KITLG: variants seen among roughly 807,000 people sequenced by gnomAD.
KITLG encodes the protein KIT ligand.
A neutral mutation model predicts 34.1 loss-of-function variants in KITLG; 13 were observed. The observed-to-expected ratio is 0.38, with a 90% CI of 0.25 to 0.61. The LOEUF (loss-of-function observed/expected upper bound fraction) is 0.61. Among genes scored for constraint, KITLG ranks in the 20% least tolerant of loss-of-function variants. KITLG has a pLI of 0.60. For missense variants in KITLG, 292 were observed against 318.9 expected, an observed-to-expected ratio of 0.92 and a Z score of 0.64; for synonymous variants, 110 against 104.0, an observed-to-expected ratio of 1.06 and a Z score of -0.35.
intron 1 of KITLG, among the ~76,000 whole-genome samples, chr12:88,569,322 A>T (rs1871564706): frequency 1.3e-5 from 2 of 152,136 alleles, no homozygotes; most frequent in East Asian, 1.9e-4. Context: ...TTTTTGTTTT[A>T]AAAAAAGAAT....
chr12:88,580,048 G>T, intron 1 of KITLG: 1 of 604,812 alleles, frequency 1.7e-6, no homozygotes, highest in Non-Finnish European at 3.0e-6. Context: ...CTTGACACTG[G>T]CTCCCTCTCA....
At chr12:88,538,157 C>G (rs1185626244) in intron 2 of KITLG, among the ~76,000 whole-genome samples, 2 of 152,020 alleles carry the variant, frequency 1.3e-5, no homozygotes, top group African/African-American at 4.8e-5. Flanking sequence ...GTGGGACAGT[C>G]TAGATAGAGG....
intron 6 of KITLG, among the ~76,000 whole-genome samples, chr12:88,515,072 T>C (rs115705281): frequency 0.015 from 2,338 of 151,898 alleles, 76 homozygotes; most frequent in African/African-American, 0.053. Flanking sequence ...CAATAGTAAA[T>C]ACTGATATAC....
Position 88,580,267 on chromosome 12 carries a change from T to C in KITLG, c.12A>G (p.Thr4=). MKK[T]QTWILTCIYL... is the part of the protein sequence containing the mutation. The stretch of plus-strand genomic sequence containing the variant: ...CTCCCGGGCGCGCCCTACTCACTTG[T>C]GTCTTCTTCATAAGGAAAGGCAGCG... Residue 4 remains threonine, a synonymous_variant, in exon 1 of 10, where the codon ACA becomes ACG. Coordinates refer to ENST00000644744, the MANE Select transcript of KITLG (RefSeq NM_000899.5). The C allele has an allele frequency of 6.2e-7, 1 of 1,610,410 alleles. No homozygotes were observed. The highest frequency in any genetic ancestry group is 8.5e-7 in the Non-Finnish European group (1 of 1,178,464).
At chr12:88,535,237 C>T (rs1423908335) in intron 2 of KITLG, among the ~76,000 whole-genome samples, 2 of 152,098 alleles carry the variant, frequency 1.3e-5, no homozygotes, top group Non-Finnish European at 2.9e-5. Context: ...GATAAAAACA[C>T]TGAAATCTAC....
At chr12:88,501,007 T>C (rs1868834762) in intron 9 of KITLG, among the ~76,000 whole-genome samples, 1 of 152,122 alleles carries the variant, frequency 6.6e-6, no homozygotes, top group South Asian at 2.1e-4. Flanking sequence ...CTCGAACTCC[T>C]GGGCTCAAGT....
intron 3 of KITLG, among the ~76,000 whole-genome samples, chr12:88,524,525 G>T (rs533989299): frequency 6.6e-6 from 1 of 151,978 alleles, no homozygotes; most frequent in South Asian, 2.1e-4. Flanking sequence ...AAGGTGAAAT[G>T]ACAATATTTT....
chr12:88,496,557 CAGG>C lies in KITLG; in HGVS notation c.*659_*661del, dbSNP rs1868647893. 6.6e-6 allele frequency: 1 copy of C among 152,190 alleles called. No homozygotes were observed. The highest frequency in any genetic ancestry group is 1.5e-5 in the Non-Finnish European group (1 of 68,028). The allele number at this position is 152,190 out of a possible 1,614,324, so 9.4% of individuals were successfully genotyped here. On this transcript the variant is annotated 3_prime_UTR_variant, in exon 10 of 10. Transcript: ENST00000644744. Reference sequence around the variant, plus strand: ...ACTGGCTCCCTTGCATAAATGGAACCAGGCAACCATTTGCATTTGTATAGTGGG... The same window carrying C: ...ACTGGCTCCCTTGCATAAATGGAACCCAACCATTTGCATTTGTATAGTGGG...
intron 9 of KITLG, among the ~76,000 whole-genome samples, chr12:88,504,790 A>G (rs556387587): frequency 4.6e-5 from 7 of 152,196 alleles, no homozygotes; most frequent in Non-Finnish European, 8.8e-5. Context: ...TTATAAAATT[A>G]TAAATCATGC....
intron 3 of KITLG, among the ~76,000 whole-genome samples, chr12:88,526,863 C>CTT (rs10532642): frequency 2.6e-3 from 207 of 79,924 alleles, no homozygotes; most frequent in Middle Eastern, 6.3e-3. Flanking sequence ...TCAGTATAGT[C>CTT]TTTTTTTTTT....
At chr12:88,572,537 T>C (rs1267900855) in intron 1 of KITLG, among the ~76,000 whole-genome samples, 1 of 148,398 alleles carries the variant, frequency 6.7e-6, no homozygotes, top group African/African-American at 2.4e-5. Flanking sequence ...AACACTTTTC[T>C]GGGCAGGGGC....
chr12:88,545,898 A>G (rs773195911), intron 1 of KITLG, 33 bp from the exon 2 acceptor site: 1 of 1,231,918 alleles, frequency 8.1e-7, no homozygotes, highest in South Asian at 1.2e-5. Context: ...CTTGGTGATC[A>G]TCAGTTAAGA....
intron 2 of KITLG, among the ~76,000 whole-genome samples, chr12:88,533,469 G>C (rs114841261): frequency 6.6e-6 from 1 of 152,150 alleles, no homozygotes; most frequent in Non-Finnish European, 1.5e-5. Flanking sequence ...ACCCTAGTAA[G>C]TTACAGAGTT....
rs200288356 is a variant in KITLG, at chr12:88,570,539, A to AC, written c.15+9724_15+9725insG. On this transcript the variant is annotated intron_variant, in intron 1 of 9. Coordinates refer to ENST00000644744, the MANE Select transcript of KITLG (RefSeq NM_000899.5). ...ATTAGAAAAAACAACAACAACAACAAAAAAAAAACAAAGAAGTTCAACCCT... is the reference window on the plus strand; with the variant it reads ...ATTAGAAAAAACAACAACAACAACAACAAAAAAAACAAAGAAGTTCAACCCT... 7.8e-4 allele frequency among the ~76,000 whole-genome samples: 117 copies of AC among 150,872 alleles called. 1 individual carries two copies. The highest frequency in any genetic ancestry group is 2.0e-3 in the Admixed American group (30 of 15,080).
intron 9 of KITLG, among the ~76,000 whole-genome samples, chr12:88,498,995 C>T (rs1023589406): frequency 1.3e-5 from 2 of 152,144 alleles, no homozygotes; most frequent in Non-Finnish European, 2.9e-5. Flanking sequence ...AAGACTGGCA[C>T]CTGTTTTCCC....
chr12:88,531,660 T>C (rs11104932), intron 3 of KITLG, among the ~76,000 whole-genome samples: 12,825 of 152,188 alleles, frequency 0.084, 572 homozygotes, highest in Non-Finnish European at 0.1. Context: ...GCTTTCAAAT[T>C]AAACAAGTGA....
chr12:88,540,413 T>C (rs546437678), intron 2 of KITLG, among the ~76,000 whole-genome samples: 13 of 152,242 alleles, frequency 8.5e-5, no homozygotes, highest in Non-Finnish European at 1.5e-4. Flanking sequence ...GGGCTAAAAA[T>C]AGTTATCTTG....
chr12:88,533,649 G>T (rs763221245), intron 2 of KITLG, among the ~76,000 whole-genome samples: 9 of 152,084 alleles, frequency 5.9e-5, no homozygotes, highest in Non-Finnish European at 1.0e-4. Context: ...ATCTTCAAGG[G>T]TCTATCTTGC....
chr12:88,503,433 A>T, intron 9 of KITLG, among the ~76,000 whole-genome samples: 1 of 152,210 alleles, frequency 6.6e-6, no homozygotes, highest in East Asian at 1.9e-4. Flanking sequence ...AGGAGAGTAA[A>T]TAATCCTTTG....
Sources: gnomAD v4.1 joint callset for allele counts (sites outside exome capture counted in the v4.1 genomes callset) on GRCh38, gnomAD v4.1.1 for gene constraint, MANE v1.5 for transcripts, NCBI Gene and HGNC (gene_info 2026-07-23, HGNC 2026-07-21) for gene names.